GRID2: variants seen among roughly 807,000 people sequenced by gnomAD.
GRID2 encodes the protein glutamate ionotropic receptor delta type subunit 2.
In GRID2, 33 loss-of-function variants were observed where a neutral mutation model predicts 114.8. The observed-to-expected ratio is 0.29, with a 90% CI of 0.22 to 0.38. The LOEUF is 0.38. Ranked by LOEUF, GRID2 falls within the 10% of genes least tolerant of loss-of-function variation. The probability of loss-of-function intolerance (pLI) is 1.00; values close to 1 mark genes in which losing one functional copy is unlikely to be tolerated. For missense variants in GRID2, 1,184 were observed against 1,257.7 expected (o/e 0.94, Z 0.89); for synonymous variants, 505 against 449.9 (o/e 1.12, Z -1.55).
intron 2 of GRID2, among the ~76,000 whole-genome samples, chr4:92,636,381 G>GA (rs934350531): frequency 3.3e-4 from 49 of 150,672 alleles, no homozygotes; most frequent in South Asian, 6.3e-4. Context: ...GGATGTTCAG[G>GA]AAAAAAAAAT....
intron 11 of GRID2, among the ~76,000 whole-genome samples, chr4:93,456,717 G>A (rs2149413468): frequency 6.6e-6 from 1 of 152,234 alleles, no homozygotes; most frequent in South Asian, 2.1e-4. Flanking sequence ...ATATATTGAA[G>A]AGGAGGATGT....
chr4:92,563,278 C>G (rs960517397), intron 1 of GRID2, among the ~76,000 whole-genome samples: 2 of 152,128 alleles, frequency 1.3e-5, no homozygotes, highest in African/African-American at 4.8e-5. Flanking sequence ...AATGAGTTCT[C>G]TATGTCCTCA....
intron 9 of GRID2, among the ~76,000 whole-genome samples, chr4:93,416,713 T>C (rs1580008857): frequency 1.3e-5 from 2 of 152,084 alleles, no homozygotes; most frequent in East Asian, 3.9e-4. Context: ...GCAAACAGTG[T>C]TGTAAATCAA....
chr4:92,693,439 T>C (rs1177399695), intron 2 of GRID2, among the ~76,000 whole-genome samples: 2 of 152,252 alleles, frequency 1.3e-5, no homozygotes, highest in Non-Finnish European at 2.9e-5. Context: ...TTTTCCACTT[T>C]GTTGGGAAAT....
At chr4:93,400,607 A>G (rs1765785804) in intron 9 of GRID2, among the ~76,000 whole-genome samples, 1 of 152,096 alleles carries the variant, frequency 6.6e-6, no homozygotes, top group South Asian at 2.1e-4. Context: ...ATGATAATAA[A>G]ATGGAAAGGA....
Position 92,590,204 on chromosome 4 carries a change from T to C in GRID2, c.162T>C (p.Asn54=). Reference sequence around the variant, plus strand: ...CTGCGGTTGGTGACCTTAACCAGAATGAGGAGATCTTACAGACTGAGAAAA... The same window carrying C: ...CTGCGGTTGGTGACCTTAACCAGAACGAGGAGATCTTACAGACTGAGAAAA... ...FRTAVGDLNQ[N]EEILQTEKIT... is the part of the protein sequence containing the mutation. Residue 54 remains asparagine, a synonymous_variant, in exon 2 of 16, where the codon AAT becomes AAC. Transcript: ENST00000282020. The C allele has an allele frequency of 6.2e-7, 1 of 1,611,508 alleles. No homozygotes were observed. The highest frequency in any genetic ancestry group is 1.3e-5 in the African/African-American group (1 of 74,870).
intron 12 of GRID2, among the ~76,000 whole-genome samples, chr4:93,504,174 T>C (rs1295048348): frequency 6.6e-6 from 1 of 152,048 alleles, no homozygotes. Context: ...AAAGATCTTA[T>C]AGAGGAAAAA....
intron 14 of GRID2, among the ~76,000 whole-genome samples, chr4:93,638,145 T>G (rs1157458922): frequency 6.6e-6 from 1 of 152,122 alleles, no homozygotes; most frequent in Non-Finnish European, 1.5e-5. Flanking sequence ...TGTACCTCAA[T>G]GTGTTCATTT....
At position 92,876,039 on chromosome 4, in the gene GRID2, C is replaced by T. The variant is rs1475413307; in HGVS notation, c.245-208956C>T. Among the ~76,000 whole-genome samples the T allele has an allele frequency of 2.0e-5, 3 of 152,144 alleles. No individual in the cohort carries two copies. In the South Asian group the frequency reaches 6.2e-4, roughly 32 times the overall value. On this transcript the variant is annotated intron_variant, in intron 2 of 15. Transcript: ENST00000282020. ...ATTCACGGTCATACAGTGTTCTCTT[C>T]TTAATACGCTCTCAATTCAATCTCC...
chr4:93,607,245 C>T (rs903227255), intron 13 of GRID2, among the ~76,000 whole-genome samples: 5 of 152,116 alleles, frequency 3.3e-5, no homozygotes, highest in African/African-American at 1.2e-4. Flanking sequence ...CATGTTTACA[C>T]ATATACTCAT....
intron 13 of GRID2, among the ~76,000 whole-genome samples, chr4:93,623,050 G>A (rs1056196759): frequency 6.6e-5 from 10 of 151,918 alleles, no homozygotes; most frequent in African/African-American, 1.7e-4. Flanking sequence ...CCTGTCTCAC[G>A]TTTTTTGAAT....
intron 2 of GRID2, among the ~76,000 whole-genome samples, chr4:92,608,927 T>G (rs908542421): frequency 3.3e-5 from 5 of 151,828 alleles, no homozygotes; most frequent in Admixed American, 2.6e-4. Context: ...CAAAATACTG[T>G]AAGTGCTAAA....
At position 93,422,807 on chromosome 4, in the gene GRID2, G is replaced by C; in HGVS notation, c.1384G>C (p.Gly462Arg). The C allele has an allele frequency of 6.2e-7, 1 of 1,613,658 alleles. No individual in the cohort carries two copies. The highest frequency in any genetic ancestry group is 8.5e-7 in the Non-Finnish European group (1 of 1,179,666). The change falls in exon 10 of 16, where the codon GGT (glycine) becomes CGT (arginine). Residue 462 changes from glycine (G) to arginine (R), a missense_variant. Gly to Arg is a moderately radical substitution (Grantham distance 125). Coordinates refer to ENST00000282020, the MANE Select transcript of GRID2 (RefSeq NM_001510.4). ...TGTGATGGTCTCTGAAAATGTCTTG[G>C]GTAAGCCGAAGAAATACCAGGGCTT... Reference protein sequence around the residue: ...PFVMVSENVLGKPKKYQGFSI... With the variant: ...PFVMVSENVLRKPKKYQGFSI...
chr4:93,271,119 A>G (rs983459388), intron 8 of GRID2, among the ~76,000 whole-genome samples: 6 of 152,196 alleles, frequency 3.9e-5, no homozygotes, highest in Admixed American at 3.9e-4. Context: ...GACCAGATAT[A>G]AGCCATTTAG....
Position 93,122,890 on chromosome 4 carries a change from G to GTTTTTTTTT in GRID2, c.735+11951_735+11959dup, listed in dbSNP as rs886185779. Among the ~76,000 whole-genome samples, 487 of 69,662 alleles carry GTTTTTTTTT rather than the reference G, an allele frequency of 7.0e-3. 9 individuals carry two copies. Among genetic ancestry groups the GTTTTTTTTT allele is most frequent in the Middle Eastern group, 0.019 (1 of 54 alleles). 45.7% of individuals were successfully genotyped at this position (69,662 alleles called of 152,430 possible). A position where few individuals can be genotyped will look rare whatever the true frequency, so the allele number is the denominator to read the frequency against. ...GTTACTAGTCAATCCACAGATGTGG[G>GTTTTTTTTT]TTTTTTTTTTTTTTTTTTTTTTGAT... is the stretch of plus-strand genomic sequence containing the variant. On this transcript the variant is annotated intron_variant, in intron 4 of 15. Transcript: ENST00000282020.
chr4:92,492,591 A>C (rs1016787040), intron 1 of GRID2, among the ~76,000 whole-genome samples: 4 of 152,112 alleles, frequency 2.6e-5, no homozygotes, highest in Non-Finnish European at 4.4e-5. Context: ...GCCTTTATGT[A>C]GTTTCAGTCT....
intron 2 of GRID2, among the ~76,000 whole-genome samples, chr4:93,083,323 A>G (rs1265122499): frequency 6.6e-6 from 1 of 152,164 alleles, no homozygotes; most frequent in African/African-American, 2.4e-5. Context: ...ATTATTTTCT[A>G]TGAAAATTGA....
chr4:92,940,777 A>T (rs111315999), intron 2 of GRID2, among the ~76,000 whole-genome samples: 4 of 151,956 alleles, frequency 2.6e-5, no homozygotes, highest in Non-Finnish European at 4.4e-5. Flanking sequence ...TTTAGCATGA[A>T]GGGTTGTTGA....
At chr4:93,509,368 T>C (rs1728949313) in intron 12 of GRID2, among the ~76,000 whole-genome samples, 1 of 152,106 alleles carries the variant, frequency 6.6e-6, no homozygotes, top group Non-Finnish European at 1.5e-5. Flanking sequence ...GGAAGGGGAT[T>C]AGCTGAGAAT....
Sources: gnomAD v4.1 joint callset for allele counts (sites outside exome capture counted in the v4.1 genomes callset) on GRCh38, gnomAD v4.1.1 for gene constraint, MANE v1.5 for transcripts, NCBI Gene and HGNC (gene_info 2026-07-23, HGNC 2026-07-21) for gene names.